The following PCBP3 variants were observed in gnomAD, a reference collection of about 807,000 sequenced individuals.
PCBP3 encodes poly(rC)-binding protein 3.
In PCBP3, 25 loss-of-function variants were observed where a neutral mutation model predicts 52.7. The observed-to-expected ratio is 0.47, with a 90% CI of 0.35 to 0.66. PCBP3 has a LOEUF of 0.66. Among genes scored for constraint, PCBP3 ranks in the 30% least tolerant of loss-of-function variants. PCBP3 has a pLI of 0.01. For synonymous variants in PCBP3, 162 were observed against 183.0 expected (o/e 0.89, Z 0.93); for missense variants, 391 against 490.3 (o/e 0.80, Z 1.91).
chr21:45,797,651 A>AGATG (rs1569235433), intron 4 of PCBP3, among the ~76,000 whole-genome samples: 1 of 5,960 alleles, frequency 1.7e-4, no homozygotes, highest in Non-Finnish European at 4.0e-4. Context: ...ATGGATGGAT[A>AGATG]AGTGCATGGA....
At chr21:45,926,250 G>A (rs770756773) in intron 13 of PCBP3, among the ~76,000 whole-genome samples, 17 of 152,274 alleles carry the variant, frequency 1.1e-4, no homozygotes, top group Non-Finnish European at 1.9e-4. Flanking sequence ...TTACCCCCAC[G>A]TGTGCTGCTG....
intron 5 of PCBP3, among the ~76,000 whole-genome samples, chr21:45,885,554 C>G (rs1233317397): frequency 6.6e-6 from 1 of 152,198 alleles, no homozygotes; most frequent in African/African-American, 2.4e-5. Context: ...CCACAGGTCT[C>G]AGGGGCCCCA....
intron 5 of PCBP3, among the ~76,000 whole-genome samples, chr21:45,854,858 C>T (rs1045722321): frequency 2.0e-5 from 3 of 152,220 alleles, no homozygotes; most frequent in Non-Finnish European, 4.4e-5. Context: ...CACTCCGAGC[C>T]TCTGCCCCGC....
At position 45,941,847 on chromosome 21, in the gene PCBP3, T is replaced by C. The variant is rs1243303661; in HGVS notation, c.*141T>C. 1.7e-6 allele frequency: 1 copy of C among 601,856 alleles called. No individual in the cohort carries two copies. The highest frequency in any genetic ancestry group is 1.9e-5 in the African/African-American group (1 of 52,258). 37.3% of individuals were successfully genotyped at this position (601,856 alleles called of 1,614,324 possible). A position where few individuals can be genotyped will look rare whatever the true frequency, so the allele number is the denominator to read the frequency against. On this transcript the variant is annotated 3_prime_UTR_variant, in exon 18 of 18. Coordinates refer to ENST00000681687, the MANE Select transcript of PCBP3 (RefSeq NM_001384156.1). Reference sequence around the variant, plus strand: ...TTAATTAACAAAAGGACGTATGCCATGGAGAAACACACCCGCGCACACAGC... The same window carrying C: ...TTAATTAACAAAAGGACGTATGCCACGGAGAAACACACCCGCGCACACAGC...
intron 8 of PCBP3, 66 bp from the exon 9 acceptor site, chr21:45,900,931 C>A: frequency 9.1e-7 from 1 of 1,103,808 alleles, no homozygotes; most frequent in Non-Finnish European, 1.4e-6. Context: ...AACGGACTTG[C>A]GGCCCCCGAC....
At position 45,646,059 on chromosome 21, in the gene PCBP3, CTCTCTCTCTCTCTCTCTCTCTCTT is replaced by C. The variant is rs1173339631; in HGVS notation, c.-279+2215_-279+2238del. Among the ~76,000 whole-genome samples, 5 of 114,772 alleles carry C rather than the reference CTCTCTCTCTCTCTCTCTCTCTCTT, an allele frequency of 4.4e-5. No individual in the cohort carries two copies. The East Asian group carries it at 7.1e-4, about 16-fold the overall frequency. The allele number at this position is 114,772 out of a possible 152,430, so 75.3% of individuals were successfully genotyped here. On this transcript the variant is annotated intron_variant, in intron 1 of 17. Coordinates refer to ENST00000681687, the MANE Select transcript of PCBP3 (RefSeq NM_001384156.1). Reference sequence around the variant, plus strand: ...CTGAATCCGTGTCACCTGTTTCTCTCTCTCTCTCTCTCTCTCTCTCTCTTTCTCTCTCTCTCTCTCTCTCTCTCT... The same window carrying C: ...CTGAATCCGTGTCACCTGTTTCTCTCTCTCTCTCTCTCTCTCTCTCTCTCT...
At chr21:45,730,654 A>G (rs1003582183) in intron 2 of PCBP3, among the ~76,000 whole-genome samples, 8 of 152,114 alleles carry the variant, frequency 5.3e-5, no homozygotes, top group Non-Finnish European at 7.4e-5. Context: ...TTCCATTATA[A>G]TTGTGGATTT....
chr21:45,657,798 A>G (rs2080114462), intron 1 of PCBP3, among the ~76,000 whole-genome samples: 2 of 152,188 alleles, frequency 1.3e-5, no homozygotes, highest in South Asian at 2.1e-4. Flanking sequence ...AGTAGCTATA[A>G]TAGTTTTTTA....
At chr21:45,698,807 G>C (rs1010410590) in intron 2 of PCBP3, among the ~76,000 whole-genome samples, 3 of 152,150 alleles carry the variant, frequency 2.0e-5, no homozygotes, top group Admixed American at 2.0e-4. Flanking sequence ...TCTTCATTTT[G>C]ATGCAACCTG....
chr21:45,690,379 A>G (rs950807417), intron 2 of PCBP3, among the ~76,000 whole-genome samples: 12 of 152,120 alleles, frequency 7.9e-5, no homozygotes, highest in Non-Finnish European at 1.3e-4. Flanking sequence ...AAAGGAGAAA[A>G]TCTTTCTGAC....
intron 5 of PCBP3, among the ~76,000 whole-genome samples, chr21:45,892,990 T>G (rs1359527350): frequency 1.0e-4 from 15 of 148,064 alleles, no homozygotes; most frequent in Admixed American, 3.4e-4. Flanking sequence ...GGGGAGGGAG[T>G]CCTGGAGAGG....
At chr21:45,856,449 G>A (rs2148342337) in intron 5 of PCBP3, among the ~76,000 whole-genome samples, 1 of 152,338 alleles carries the variant, frequency 6.6e-6, no homozygotes, top group South Asian at 2.1e-4. Flanking sequence ...GTGATCCCGA[G>A]TGTTGGAGGT....
At chr21:45,700,624 G>A (rs1011950417) in intron 2 of PCBP3, among the ~76,000 whole-genome samples, 2 of 152,156 alleles carry the variant, frequency 1.3e-5, no homozygotes, top group Admixed American at 6.5e-5. Context: ...CCACTGCGCA[G>A]TGTGCCATAG....
intron 4 of PCBP3, among the ~76,000 whole-genome samples, chr21:45,832,872 A>C (rs1349302218): frequency 1.3e-5 from 2 of 152,222 alleles, no homozygotes; most frequent in Non-Finnish European, 2.9e-5. Flanking sequence ...CTTCTTCACA[A>C]GGCGGCAGGA....
chr21:45,723,720 C>T (rs1359221134), intron 2 of PCBP3, among the ~76,000 whole-genome samples: 1 of 152,044 alleles, frequency 6.6e-6, no homozygotes, highest in African/African-American at 2.4e-5. Context: ...GAGCACAGCC[C>T]GCACAACACG....
At chr21:45,865,360 C>T (rs746890474) in intron 5 of PCBP3, among the ~76,000 whole-genome samples, 12 of 152,152 alleles carry the variant, frequency 7.9e-5, no homozygotes, top group South Asian at 4.1e-4. Flanking sequence ...GAATGCGTAC[C>T]GCTATCTCCA....
intron 2 of PCBP3, among the ~76,000 whole-genome samples, chr21:45,718,207 CTT>C (rs1037623779): frequency 3.7e-5 from 5 of 135,088 alleles, no homozygotes; most frequent in Non-Finnish European, 3.2e-5. Flanking sequence ...GTCTTCTCTC[CTT>C]TTTTTTTTTT....
At chr21:45,878,906 C>T (rs896922020) in intron 5 of PCBP3, among the ~76,000 whole-genome samples, 1 of 152,196 alleles carries the variant, frequency 6.6e-6, no homozygotes, top group African/African-American at 2.4e-5. Context: ...GCTGCGCCAC[C>T]GTGCTCCAGG....
intron 2 of PCBP3, among the ~76,000 whole-genome samples, chr21:45,682,624 G>A (rs1321759632): frequency 2.0e-5 from 3 of 152,194 alleles, no homozygotes; most frequent in East Asian, 3.9e-4. Context: ...GGTAGAATTT[G>A]CTGATATATG....
Sources: allele counts gnomAD v4.1 joint callset (sites outside exome capture counted in the v4.1 genomes callset), GRCh38; gene constraint gnomAD v4.1.1; transcripts MANE v1.5; gene names NCBI Gene and HGNC (gene_info 2026-07-23, HGNC 2026-07-21).